Variants in DNAH2 observed in about 807,000 individuals in gnomAD.
DNAH2 encodes axonemal beta dynein heavy chain 2.
A neutral mutation model predicts 523.5 loss-of-function variants in DNAH2; 323 were observed. The observed-to-expected ratio is 0.62, with a 90% CI of 0.56 to 0.68. The LOEUF is 0.68. Ranked by LOEUF, DNAH2 falls within the 30% of genes least tolerant of loss-of-function variation. The probability of loss-of-function intolerance (pLI) is 0.00; values close to 1 mark genes in which losing one functional copy is unlikely to be tolerated. For missense variants in DNAH2, 4,907 were observed against 5,701.5 expected, an observed-to-expected ratio of 0.86 and a Z score of 4.49; for synonymous variants, 2,093 against 2,177.4, an observed-to-expected ratio of 0.96 and a Z score of 1.08.
At chr17:7,830,140 G>A (rs375175593) in intron 77 of DNAH2, among the ~76,000 whole-genome samples, 160 bp from the exon 78 acceptor site, 97 of 151,736 alleles carry the variant, frequency 6.4e-4, no homozygotes, top group African/African-American at 2.2e-3. Context: ...GAAGAATGTA[G>A]ATCTTGGCAT....
At chr17:7,740,074 G>GA in intron 9 of DNAH2, 136 bp downstream of exon 9, 2 of 564,482 alleles carry the variant, frequency 3.5e-6, no homozygotes, top group South Asian at 3.8e-5. Context: ...CCCGGGGGGG[G>GA]GGACAGGAGA....
intron 11 of DNAH2, among the ~76,000 whole-genome samples, chr17:7,742,249 GTGAGACC>G (rs2075375173): frequency 6.6e-6 from 1 of 152,036 alleles, no homozygotes; most frequent in South Asian, 2.1e-4. Flanking sequence ...GGCCAACATG[GTGAGACC>G]CTGTCTCTAC....
intron 11 of DNAH2, among the ~76,000 whole-genome samples, chr17:7,741,196 A>C (rs2075304071): frequency 6.6e-6 from 1 of 151,886 alleles, no homozygotes; most frequent in Admixed American, 6.5e-5. Context: ...GCGCCATTTT[A>C]GGAATTTCTT....
Position 7,760,430 on chromosome 17 carries a change from G to A in DNAH2, c.2786-310G>A, listed in dbSNP as rs900331686. ...GGGGCTTGGATGGGGGTTGAGATTA[G>A]GTGACTGATGCTCATGGGTTTTGGG... On this transcript the variant is annotated intron_variant, in intron 17 of 85. Transcript: ENST00000572933. This position sits in a 1 kb window ranked among gnomAD's most constrained non-coding sequence, Gnocchi z 4.0. Among the ~76,000 whole-genome samples, 1 of 152,032 alleles carries A rather than the reference G, an allele frequency of 6.6e-6. No homozygotes were observed. The highest frequency in any genetic ancestry group is 1.5e-5 in the Non-Finnish European group (1 of 68,006).
chr17:7,798,839 ACCT>A lies in DNAH2; in HGVS notation c.8559+123_8559+125del. 7.4e-7 allele frequency: 1 copy of A among 1,347,244 alleles called. No individual in the cohort carries two copies. The highest frequency in any genetic ancestry group is 1.0e-6 in the Non-Finnish European group (1 of 984,514). 83.5% of individuals were successfully genotyped at this position (1,347,244 alleles called of 1,614,324 possible). A position where few individuals can be genotyped will look rare whatever the true frequency, so the allele number is the denominator to read the frequency against. On this transcript the variant is annotated intron_variant, in intron 55 of 85. Transcript: ENST00000572933. This position sits in a 1 kb window ranked among gnomAD's most constrained non-coding sequence, Gnocchi z 5.5. ...CCCCACTGCCACACCCCCACTGCCC[ACCT>A]CAGCCCTGTAAGGTGGAAGGTCCCC... is the stretch of plus-strand genomic sequence containing the variant.
intron 63 of DNAH2, among the ~76,000 whole-genome samples, chr17:7,811,821 G>A (rs972579126): frequency 2.0e-5 from 3 of 152,176 alleles, no homozygotes; most frequent in African/African-American, 4.8e-5. Context: ...TTGGACCGTA[G>A]CAGGGTGGGG....
rs1373893406 is a variant in DNAH2 at position 7,740,506 on chromosome 17, G to C, written c.1463G>C (p.Gly488Ala). The change falls in exon 10 of 86, where the codon GGC becomes GCC. Residue 488 changes from glycine to alanine, a missense_variant. Around this residue, in one of 3 missense-constraint regions of DNAH2, gnomAD observed 2,806 missense variants for 3,190.8 expected, o/e 0.88. Coordinates refer to ENST00000572933, the MANE Select transcript of DNAH2 (RefSeq NM_020877.5). ...AFELVRDVPH[G>A]VLLLDTFHRL... ...GAGTTGGTGCGGGACGTGCCGCACG[G>C]CGTGCTTCTGCTGGACACCTTCCAC... is the stretch of plus-strand genomic sequence containing the variant. The C allele has an allele frequency of 6.2e-7, 1 of 1,614,158 alleles. No homozygotes were observed. The highest frequency in any genetic ancestry group is 2.2e-5 in the East Asian group (1 of 44,880).
At chr17:7,727,039 T>C (rs886222293) in intron 3 of DNAH2, 83 bp from the exon 4 acceptor site, 1 of 1,427,360 alleles carries the variant, frequency 7.0e-7, no homozygotes, top group Admixed American at 2.7e-5. Context: ...TCATCTCCCA[T>C]GTCCTCACTT....
At chr17:7,755,083 T>A in intron 12 of DNAH2, 1 of 236,030 alleles carries the variant, frequency 4.2e-6, no homozygotes, top group Non-Finnish European at 8.1e-6. Flanking sequence ...AGTGCATACG[T>A]TTTACAGCTG....
chr17:7,801,525 C>T, intron 56 of DNAH2, 53 bp from the exon 57 acceptor site: 1 of 1,608,266 alleles, frequency 6.2e-7, no homozygotes, highest in Non-Finnish European at 8.5e-7. Context: ...AAGCCAGTAC[C>T]TGGAGGCTGT....
At position 7,823,710 on chromosome 17, in the gene DNAH2, C is replaced by T. The variant is rs796580603; in HGVS notation, c.11329+82C>T. On this transcript the variant is annotated intron_variant, in intron 74 of 85. Transcript: ENST00000572933. Reference sequence around the variant, plus strand: ...GCCGGCCCTTCCCATTGTCCTCCATCCCCTCTCCCAGCTGGTGCCTGCCTC... The same window carrying T: ...GCCGGCCCTTCCCATTGTCCTCCATTCCCTCTCCCAGCTGGTGCCTGCCTC... 13 of 1,581,202 alleles carry T rather than the reference C, an allele frequency of 8.2e-6. No homozygotes were observed. The African/African-American group carries it at 9.4e-5, about 11-fold the overall frequency.
At chr17:7,812,229 G>A (rs1170304181) in intron 63 of DNAH2, among the ~76,000 whole-genome samples, 1 of 152,108 alleles carries the variant, frequency 6.6e-6, no homozygotes, top group Non-Finnish European at 1.5e-5. Flanking sequence ...TTACTGGATC[G>A]GGGGTTATAA....
chr17:7,830,805 T>A lies in DNAH2; in HGVS notation c.12193T>A (p.Tyr4065Asn). ...RRLLTTYIND[Y>N]FCDQSLSTPF... Reference sequence around the variant, plus strand: ...CCTGCTGACCACCTACATCAATGATTATTTCTGTGACCAGTCTCTATCAAC... The same window carrying A: ...CCTGCTGACCACCTACATCAATGATAATTTCTGTGACCAGTCTCTATCAAC... The change falls in exon 79 of 86, where the codon TAT becomes AAT. Residue 4065 changes from tyrosine (Y) to asparagine (N), a missense_variant. Coordinates refer to ENST00000572933, the MANE Select transcript of DNAH2 (RefSeq NM_020877.5). The A allele has an allele frequency of 6.2e-7, 1 of 1,614,020 alleles. No homozygotes were observed. The highest frequency in any genetic ancestry group is 8.5e-7 in the Non-Finnish European group (1 of 1,180,024).
At chr17:7,758,102 C>T (rs953033839) in intron 13 of DNAH2, among the ~76,000 whole-genome samples, 6 of 152,176 alleles carry the variant, frequency 3.9e-5, no homozygotes, top group Non-Finnish European at 5.9e-5. Flanking sequence ...ACTGCAGTGT[C>T]CAACATGGTG....
chr17:7,740,022 CA>C (rs2075262293), intron 9 of DNAH2, 84 bp downstream of exon 9: 1 of 1,352,586 alleles, frequency 7.4e-7, no homozygotes, highest in African/African-American at 1.6e-5. Context: ...CGAGAGTATG[CA>C]AAGGAAATGG....
At chr17:7,734,395 G>T in intron 6 of DNAH2, 75 bp from the exon 7 acceptor site, 1 of 1,598,438 alleles carries the variant, frequency 6.3e-7, no homozygotes, top group East Asian at 2.2e-5. Flanking sequence ...GTCTCTGTCG[G>T]GGTTGCGGGG....
chr17:7,815,703 T>G (rs1013985652), intron 63 of DNAH2, among the ~76,000 whole-genome samples: 1 of 145,942 alleles, frequency 6.9e-6, no homozygotes, highest in Non-Finnish European at 1.5e-5. Context: ...ATCACACACA[T>G]GTATACGGGA....
In DNAH2 at chr17:7,833,711, A is replaced by G; in HGVS notation, c.*178A>G. On this transcript the variant is annotated 3_prime_UTR_variant, in exon 86 of 86. Transcript: ENST00000572933. Reference sequence around the variant, plus strand: ...CATAAAAGTGAAAGAGTTGTATTGGAGCTCAGTGCTGTAAAACACCCGCGA... The same window carrying G: ...CATAAAAGTGAAAGAGTTGTATTGGGGCTCAGTGCTGTAAAACACCCGCGA... The G allele has an allele frequency of 1.2e-6, 1 of 863,584 alleles. No individual in the cohort carries two copies. Among genetic ancestry groups the G allele is most frequent in the Non-Finnish European group, 1.9e-6 (1 of 534,732 alleles). 53.5% of individuals were successfully genotyped at this position (863,584 alleles called of 1,614,324 possible). A position where few individuals can be genotyped will look rare whatever the true frequency, so the allele number is the denominator to read the frequency against.
intron 18 of DNAH2, among the ~76,000 whole-genome samples, chr17:7,762,385 G>A (rs537270156): frequency 2.0e-5 from 3 of 149,738 alleles, no homozygotes. Flanking sequence ...GCCCATGCTG[G>A]AGTGCAATGG....
Sources: allele counts gnomAD v4.1 joint callset (sites outside exome capture counted in the v4.1 genomes callset), GRCh38; gene constraint gnomAD v4.1.1; regional missense constraint gnomAD v4.1.1; non-coding constraint Gnocchi (gnomAD v3.1); transcripts MANE v1.5; gene names NCBI Gene and HGNC (gene_info 2026-07-23, HGNC 2026-07-21).